NHERF2: variants seen among roughly 807,000 people sequenced by gnomAD.
NHERF2 encodes NHERF family PDZ scaffold protein 2, also known as Na(+)/H(+) exchange regulatory cofactor NHE-RF2.
the NHERF2 span, chr16:2,037,478 G>A: frequency 3.5e-6 from 5 of 1,438,130 alleles, no homozygotes; most frequent in South Asian, 3.6e-5. Flanking sequence ...CTGTGCACAT[G>A]TGTGCGTGTG....
the NHERF2 span, chr16:2,037,885 G>A: frequency 1.5e-5 from 24 of 1,607,208 alleles, no homozygotes; most frequent in African/African-American, 6.7e-5. Context: ...TGAGCCCCAC[G>A]GCGGCCGAGG....
At chr16:2,032,911 A>C in the NHERF2 span, 2 of 1,046,052 alleles carry the variant, frequency 1.9e-6, no homozygotes, top group South Asian at 6.0e-5. The surrounding 1 kb of genome is among the most constrained non-coding windows in gnomAD (Gnocchi z 4.0). Flanking sequence ...TTGGGGGCTA[A>C]GAGCAGGTGT....
At chr16:2,037,961 C>T in the NHERF2 span, 34 of 1,613,556 alleles carry the variant, frequency 2.1e-5, no homozygotes, top group Non-Finnish European at 2.6e-5. Flanking sequence ...GAACAGGAAG[C>T]GTGAAATCTT....
chr16:2,033,037 C>G, the NHERF2 span: 2 of 1,259,086 alleles, frequency 1.6e-6, no homozygotes, highest in Non-Finnish European at 2.0e-6. Flanking sequence ...GTCCTGTGTT[C>G]TGGGGCCGGG....
chr16:2,037,466 CTCTG>C, the NHERF2 span: 1 of 1,356,282 alleles, frequency 7.4e-7, no homozygotes, highest in Non-Finnish European at 1.0e-6. Flanking sequence ...GGGGGTGTGC[CTCTG>C]TGCACATGTG....
the NHERF2 span, chr16:2,035,442 G>A: frequency 4.1e-6 from 4 of 985,968 alleles, no homozygotes; most frequent in East Asian, 4.5e-4. Flanking sequence ...GGAGGTAGGA[G>A]GTGAGGGAAG....
the NHERF2 span, chr16:2,027,201 G>A: frequency 1.4e-6 from 2 of 1,416,342 alleles, no homozygotes; most frequent in Non-Finnish European, 1.8e-6. Flanking sequence ...CAACGTGGAG[G>A]GCGAGACGCA....
chr16:2,034,310 C>T, the NHERF2 span, among the ~76,000 whole-genome samples: 1 of 151,852 alleles, frequency 6.6e-6, no homozygotes, highest in Non-Finnish European at 1.5e-5. Flanking sequence ...CCCACGCCTT[C>T]CCTGCGTCCC....
the NHERF2 span, chr16:2,033,397 G>C: frequency 7.8e-6 from 12 of 1,533,388 alleles, no homozygotes; most frequent in Non-Finnish European, 1.0e-5. Context: ...GGCTCCGGGA[G>C]CCCCTCCACG....
the NHERF2 span, among the ~76,000 whole-genome samples, chr16:2,030,357 C>T: frequency 6.6e-6 from 1 of 152,150 alleles, no homozygotes; most frequent in Non-Finnish European, 1.5e-5. Context: ...CCCACTCCTC[C>T]CCCTAGATAC....
At chr16:2,033,510 C>A in the NHERF2 span, 1 of 1,413,004 alleles carries the variant, frequency 7.1e-7, no homozygotes, top group South Asian at 1.3e-5. Flanking sequence ...GGAGGGGACT[C>A]CGGGACCTTG....
At chr16:2,033,169 C>T in the NHERF2 span, 1 of 1,426,666 alleles carries the variant, frequency 7.0e-7, no homozygotes. Flanking sequence ...GGAGCCTTCG[C>T]AGGGGAGCGG....
At chr16:2,035,648 G>A in the NHERF2 span, 1 of 985,970 alleles carries the variant, frequency 1.0e-6, no homozygotes, top group Non-Finnish European at 1.2e-6. Flanking sequence ...GCCTGGCCTT[G>A]CCTGCATGGT....
At chr16:2,031,967 C>T in the NHERF2 span, among the ~76,000 whole-genome samples, 25,241 of 151,714 alleles carry the variant, frequency 0.17, 2,455 homozygotes, top group Non-Finnish European at 0.23. Flanking sequence ...TCTGGGATTA[C>T]AGGTGTGAGC....
At chr16:2,037,305 G>T in the NHERF2 span, among the ~76,000 whole-genome samples, 3 of 152,166 alleles carry the variant, frequency 2.0e-5, no homozygotes, top group South Asian at 6.2e-4. Context: ...CGTTGCTCAC[G>T]CCGGCCATTC....
the NHERF2 span, chr16:2,035,263 A>G: frequency 3.9e-5 from 13 of 334,992 alleles, no homozygotes; most frequent in Admixed American, 5.8e-4. Flanking sequence ...CCCCGCTGAC[A>G]TGGCCGTTTC....
the NHERF2 span, chr16:2,035,391 C>A: frequency 1.0e-6 from 1 of 984,068 alleles, no homozygotes; most frequent in Non-Finnish European, 1.2e-6. Context: ...GCCGCCCCAG[C>A]CCTGGCCTGG....
At chr16:2,036,260 G>A in the NHERF2 span, 191 of 1,489,354 alleles carry the variant, frequency 1.3e-4, 1 homozygote, top group Middle Eastern at 8.9e-4. Context: ...CGGCACCACC[G>A]GGGAGTGGCC....
the NHERF2 span, chr16:2,032,788 G>GC: frequency 4.0e-6 from 4 of 995,628 alleles, no homozygotes; most frequent in Non-Finnish European, 4.8e-6. The surrounding 1 kb of genome is among the most constrained non-coding windows in gnomAD (Gnocchi z 4.0). Flanking sequence ...ACAGGGGACA[G>GC]CCCCCAAACA....
Sources: gnomAD v4.1 joint callset for allele counts (sites outside exome capture counted in the v4.1 genomes callset) on GRCh38, gnomAD v4.1.1 for gene constraint, Gnocchi (gnomAD v3.1) non-coding constraint, MANE v1.5 for transcripts, NCBI Gene and HGNC (gene_info 2026-07-23, HGNC 2026-07-21) for gene names.